Variants in FTO observed in about 807,000 individuals in gnomAD.
The protein encoded by FTO is FTO alpha-ketoglutarate dependent dioxygenase.
Under a neutral mutation model 63.9 loss-of-function variants are expected in FTO, and 47 were observed. The ratio of observed to expected loss-of-function variants is 0.74; its 90% CI spans 0.58 to 0.94. FTO has a LOEUF of 0.94. FTO is among the 40% of genes least tolerant of loss of function. FTO has a pLI of 0.00. For synonymous variants in FTO, 207 were observed against 224.4 expected (o/e 0.92, Z 0.69); for missense variants, 562 against 618.1 (o/e 0.91, Z 0.96).
intron 8 of FTO, among the ~76,000 whole-genome samples, chr16:53,966,484 TTC>T (rs2083199904): frequency 6.6e-6 from 1 of 152,198 alleles, no homozygotes; most frequent in Admixed American, 6.5e-5. Flanking sequence ...CCTTTATAAC[TTC>T]TGATTTGTGG....
At chr16:54,038,420 A>G (rs1053804477) in intron 8 of FTO, among the ~76,000 whole-genome samples, 4 of 152,146 alleles carry the variant, frequency 2.6e-5, no homozygotes, top group Non-Finnish European at 5.9e-5. Flanking sequence ...CCCAACCTGG[A>G]AAGTGCCTCC....
intron 8 of FTO, chr16:53,991,630 C>T (rs1436724049): frequency 6.6e-6 from 1 of 152,302 alleles, no homozygotes; most frequent in East Asian, 1.9e-4. Flanking sequence ...AATTGAGCTG[C>T]TTTGAACTTG....
chr16:53,812,359 C>T (rs2078556881), intron 2 of FTO, among the ~76,000 whole-genome samples: 1 of 151,794 alleles, frequency 6.6e-6, no homozygotes, highest in Admixed American at 6.6e-5. Flanking sequence ...CACCCTCTGC[C>T]TCCTGGGTTC....
At chr16:53,847,340 AC>A (rs2079655613) in intron 4 of FTO, among the ~76,000 whole-genome samples, 1 of 152,142 alleles carries the variant, frequency 6.6e-6, no homozygotes, top group African/African-American at 2.4e-5. Flanking sequence ...TCTTCTTCCC[AC>A]CTGGCATGAT....
intron 2 of FTO, among the ~76,000 whole-genome samples, chr16:53,812,525 T>G (rs2078560735): frequency 6.6e-6 from 1 of 152,228 alleles, no homozygotes; most frequent in Admixed American, 6.5e-5. Context: ...TAATCTCACT[T>G]AATTGTAATG....
At chr16:53,779,455 T>A (rs17817449) in intron 1 of FTO, among the ~76,000 whole-genome samples, 1 of 151,988 alleles carries the variant, frequency 6.6e-6, no homozygotes, top group African/African-American at 2.4e-5. Context: ...ACACAGAAAC[T>A]GTTTTAATTT....
chr16:53,776,706 GT>G (rs1420186871), intron 1 of FTO, among the ~76,000 whole-genome samples: 1 of 152,038 alleles, frequency 6.6e-6, no homozygotes, highest in East Asian at 1.9e-4. Flanking sequence ...GTGTGCCATT[GT>G]TTTACTTTTC....
chr16:53,901,709 T>A (rs937765551), intron 7 of FTO, among the ~76,000 whole-genome samples: 2 of 152,166 alleles, frequency 1.3e-5, no homozygotes, highest in African/African-American at 4.8e-5. Context: ...TTCACTCTGG[T>A]CTTTCCCACC....
At chr16:53,889,034 G>A (rs2081081040) in intron 7 of FTO, 83 bp downstream of exon 7, 3 of 1,455,094 alleles carry the variant, frequency 2.1e-6, no homozygotes, top group South Asian at 2.3e-5. Flanking sequence ...TTAGGCAAAT[G>A]TAGATTTAAT....
At chr16:54,053,632 G>GA (rs1261702481) in intron 8 of FTO, among the ~76,000 whole-genome samples, 1 of 152,150 alleles carries the variant, frequency 6.6e-6, no homozygotes, top group African/African-American at 2.4e-5. Context: ...TTGTGACAGA[G>GA]AAAAAGACAA....
At chr16:54,085,564 T>G (rs2086239560) in intron 8 of FTO, among the ~76,000 whole-genome samples, 1 of 152,226 alleles carries the variant, frequency 6.6e-6, no homozygotes. Flanking sequence ...ATGTCCCTCA[T>G]TTTTAAAGTA....
At chr16:53,883,783 C>T (rs1325023551) in intron 6 of FTO, among the ~76,000 whole-genome samples, 4 of 152,058 alleles carry the variant, frequency 2.6e-5, no homozygotes, top group Non-Finnish European at 4.4e-5. Context: ...ATTTAAATAG[C>T]GTGTGTGCCA....
chr16:53,936,853 G>A (rs1438644159), intron 8 of FTO, among the ~76,000 whole-genome samples: 2 of 152,182 alleles, frequency 1.3e-5, no homozygotes, highest in African/African-American at 2.4e-5. Flanking sequence ...CAACGGAGCC[G>A]CCGCAGCTGG....
intron 8 of FTO, among the ~76,000 whole-genome samples, chr16:54,053,008 G>A (rs1287482202): frequency 1.3e-5 from 2 of 152,164 alleles, no homozygotes; most frequent in African/African-American, 2.4e-5. Context: ...GGCCAAGAAC[G>A]TGACTTTTGA....
chr16:54,048,125 T>TAAAA (rs2085220979), intron 8 of FTO, among the ~76,000 whole-genome samples: 19 of 34,722 alleles, frequency 5.5e-4, no homozygotes, highest in African/African-American at 4.5e-3. Context: ...AAAAAAAAAA[T>TAAAA]TAAAAAAAAA....
intron 7 of FTO, among the ~76,000 whole-genome samples, chr16:53,919,232 A>G (rs1348936877): frequency 6.6e-6 from 1 of 152,170 alleles, no homozygotes; most frequent in Non-Finnish European, 1.5e-5. Flanking sequence ...GTAACATAGT[A>G]TATGTGAGCA....
chr16:53,733,639 T>C (rs1245662837), intron 1 of FTO, among the ~76,000 whole-genome samples: 1 of 152,182 alleles, frequency 6.6e-6, no homozygotes, highest in African/African-American at 2.4e-5. Flanking sequence ...AATTTAAGGC[T>C]TTTTTAAGAG....
chr16:53,852,101 C>CAAAA lies in FTO; in HGVS notation c.895+7819_895+7822dup, dbSNP rs57004473. Among the ~76,000 whole-genome samples the CAAAA allele has an allele frequency of 6.7e-3, 363 of 54,414 alleles. 15 individuals are homozygous for CAAAA. The highest frequency in any genetic ancestry group is 0.021 in the African/African-American group (347 of 16,896). The allele number at this position is 54,414 out of a possible 152,430, so 35.7% of individuals were successfully genotyped here. ...CAAAACTCTGTCTCTACAAAAAATA[C>CAAAA]AAAAAAAAAAAAAAAAAAAGCCAGG... is the stretch of plus-strand genomic sequence containing the variant. On this transcript the variant is annotated intron_variant, in intron 4 of 8. Transcript: ENST00000471389.
chr16:53,802,773 T>TGCCTTGCTG (rs1204467806), intron 1 of FTO, among the ~76,000 whole-genome samples: 2 of 152,122 alleles, frequency 1.3e-5, no homozygotes, highest in African/African-American at 4.8e-5. Context: ...TTGGATAATT[T>TGCCTTGCTG]GCCTTGCTGT....
Sources: gnomAD v4.1 joint callset for allele counts (sites outside exome capture counted in the v4.1 genomes callset) on GRCh38, gnomAD v4.1.1 for gene constraint, MANE v1.5 for transcripts, NCBI Gene and HGNC (gene_info 2026-07-23, HGNC 2026-07-21) for gene names.